The following SHROOM3 variants were observed in gnomAD, a reference collection of about 807,000 sequenced individuals.
SHROOM3 encodes the protein protein Shroom3.
In SHROOM3, 47 loss-of-function variants were observed where a neutral mutation model predicts 138.6. The ratio of observed to expected loss-of-function variants is 0.34; its 90% CI spans 0.27 to 0.43. SHROOM3 has a LOEUF of 0.43. SHROOM3 is among the 20% of genes least tolerant of loss of function. SHROOM3 has a pLI of 1.00. For synonymous variants in SHROOM3, 1,062 were observed against 1,063.3 expected, an observed-to-expected ratio of 1.00 and a Z score of 0.02; for missense variants, 2,491 against 2,596.5, an observed-to-expected ratio of 0.96 and a Z score of 0.88.
intron 1 of SHROOM3, among the ~76,000 whole-genome samples, chr4:76,491,288 G>A (rs1396480613): frequency 6.6e-6 from 1 of 152,170 alleles, no homozygotes. Context: ...ATAGAAATGG[G>A]GAAATAGGAG....
chr4:76,611,272 T>C (rs1279412440), intron 2 of SHROOM3, among the ~76,000 whole-genome samples: 1 of 151,036 alleles, frequency 6.6e-6, no homozygotes, highest in Non-Finnish European at 1.5e-5. Flanking sequence ...CTCTCTCTCT[T>C]AAAGTCTGCG....
chr4:76,770,543 C>T, intron 9 of SHROOM3, 83 bp from the exon 10 acceptor site: 1 of 1,538,308 alleles, frequency 6.5e-7, no homozygotes, highest in South Asian at 1.1e-5. Flanking sequence ...TTGAAGATGA[C>T]AGAAGGTGGC....
chr4:76,676,921 C>A (rs770226514), intron 2 of SHROOM3, among the ~76,000 whole-genome samples: 11 of 124,034 alleles, frequency 8.9e-5, no homozygotes, highest in South Asian at 7.4e-4. Flanking sequence ...CCAGCCTGGG[C>A]GACAGAGCGA....
rs188928565 is a variant in SHROOM3 at position 76,525,586 on chromosome 4, C to G, written c.169-30023C>G. 2.0e-5 allele frequency among the ~76,000 whole-genome samples: 3 copies of G among 152,282 alleles called. No homozygotes were observed. In the East Asian group the frequency reaches 5.8e-4, roughly 29 times the overall value. On this transcript the variant is annotated intron_variant, in intron 1 of 10. Transcript: ENST00000296043. Reference sequence around the variant, plus strand: ...TGGCTAGTGATGCTGAACATCATTTCATGCACTTATTTACCATGATGTAAC... The same window carrying G: ...TGGCTAGTGATGCTGAACATCATTTGATGCACTTATTTACCATGATGTAAC...
At chr4:76,487,827 C>A (rs940447631) in intron 1 of SHROOM3, among the ~76,000 whole-genome samples, 1 of 152,202 alleles carries the variant, frequency 6.6e-6, no homozygotes, top group Non-Finnish European at 1.5e-5. Context: ...ATGGAAGCAG[C>A]CAATTTCAGA....
At chr4:76,564,404 C>G (rs1039705737) in intron 2 of SHROOM3, among the ~76,000 whole-genome samples, 3 of 152,190 alleles carry the variant, frequency 2.0e-5, no homozygotes, top group Admixed American at 2.0e-4. Context: ...TGGAAATTTG[C>G]TCAGTATGCT....
intron 1 of SHROOM3, among the ~76,000 whole-genome samples, chr4:76,547,816 G>C (rs1733256699): frequency 6.6e-6 from 1 of 151,936 alleles, no homozygotes; most frequent in Admixed American, 6.6e-5. Context: ...TATAGTCCCA[G>C]CTACTCGAGA....
rs1364479214 is a variant in SHROOM3, at chr4:76,741,210, C to T, written c.3037C>T (p.Pro1013Ser). 1.2e-6 allele frequency: 2 copies of T among 1,607,480 alleles called. No individual in the cohort carries two copies. Among genetic ancestry groups the T allele is most frequent in the African/African-American group, 2.7e-5 (2 of 74,960 alleles). Reference sequence around the variant, plus strand: ...GAGAGGTGCTCGCCGGCGCCTGACTCCCGAGCAGAAGAAGCGCTCCTACTC... The same window carrying T: ...GAGAGGTGCTCGCCGGCGCCTGACTTCCGAGCAGAAGAAGCGCTCCTACTC... The part of the protein sequence containing the change: ...ARRGARRRLT[P>S]EQKKRSYSEP... The change falls in exon 5 of 11, where the codon CCC becomes TCC. Residue 1013 changes from proline to serine, a missense_variant. Around this residue, in one of 4 missense-constraint regions of SHROOM3, gnomAD observed 1,733 missense variants for 1,661.6 expected, o/e 1.04. Transcript: ENST00000296043. This position sits in a 1 kb window ranked among gnomAD's most constrained non-coding sequence, Gnocchi z 6.2.
chr4:76,724,259 T>A (rs2110124976), intron 3 of SHROOM3, among the ~76,000 whole-genome samples: 1 of 152,342 alleles, frequency 6.6e-6, no homozygotes, highest in African/African-American at 2.4e-5. Flanking sequence ...TTAAACCATC[T>A]TCTGACTTAC....
chr4:76,729,507 G>A (rs574261330), intron 3 of SHROOM3, among the ~76,000 whole-genome samples: 1 of 152,182 alleles, frequency 6.6e-6, no homozygotes, highest in Non-Finnish European at 1.5e-5. Context: ...TGAAGTATAT[G>A]TTTGTGTTTT....
In SHROOM3 at chr4:76,756,711, G is replaced by C; in HGVS notation, c.4972G>C (p.Asp1658His). 1 of 1,614,100 alleles carries C rather than the reference G, an allele frequency of 6.2e-7. No individual in the cohort carries two copies. The highest frequency in any genetic ancestry group is 1.1e-5 in the South Asian group (1 of 91,058). The change falls in exon 8 of 11, where the codon GAT (aspartate) becomes CAT (histidine). Residue 1658 changes from aspartate (D) to histidine (H), a missense_variant. Asp to His is a moderately conservative substitution (Grantham distance 81). Around this residue, in one of 4 missense-constraint regions of SHROOM3, gnomAD observed 470 missense variants for 595.0 expected, o/e 0.79. Transcript: ENST00000296043. ...TQGLEKKVSP[D>H]PQKSSEDIRT... Reference sequence around the variant, plus strand: ...GGGTTTAGAAAAGAAAGTCAGTCCTGATCCTCAGAAGAGTTCAGAAGACAT... The same window carrying C: ...GGGTTTAGAAAAGAAAGTCAGTCCTCATCCTCAGAAGAGTTCAGAAGACAT...
intron 2 of SHROOM3, among the ~76,000 whole-genome samples, chr4:76,605,335 G>A (rs552939393): frequency 6.6e-6 from 1 of 152,232 alleles, no homozygotes; most frequent in South Asian, 2.1e-4. Flanking sequence ...AGAGGATTTC[G>A]AGGCACCATT....
intron 9 of SHROOM3, among the ~76,000 whole-genome samples, chr4:76,761,951 C>T (rs991571217): frequency 1.3e-5 from 2 of 152,048 alleles, no homozygotes; most frequent in African/African-American, 2.4e-5. Context: ...TGGAGTTTAC[C>T]GTTTAACTGA....
intron 1 of SHROOM3, among the ~76,000 whole-genome samples, chr4:76,448,582 A>AT (rs1388722712): frequency 6.6e-6 from 1 of 152,190 alleles, no homozygotes; most frequent in African/African-American, 2.4e-5. Context: ...AGCACCTAGA[A>AT]TTTCTTCAGA....
At chr4:76,593,495 A>G (rs1200535230) in intron 2 of SHROOM3, among the ~76,000 whole-genome samples, 2 of 152,220 alleles carry the variant, frequency 1.3e-5, no homozygotes, top group Admixed American at 1.3e-4. Flanking sequence ...TGGCCCTGTT[A>G]TTTATTTAGT....
chr4:76,741,075 C>A lies in SHROOM3; in HGVS notation c.2902C>A (p.Leu968Met). 2 of 1,532,548 alleles carry A rather than the reference C, an allele frequency of 1.3e-6. No homozygotes were observed. Among genetic ancestry groups the A allele is most frequent in the South Asian group, 1.2e-5 (1 of 80,268 alleles). The allele number at this position is 1,532,548 out of a possible 1,614,324, so 94.9% of individuals were successfully genotyped here. A position where few individuals can be genotyped will look rare whatever the true frequency, so the allele number is the denominator to read the frequency against. ...ACGGCCTTCCTCGGCCCACGTGGGG[C>A]TGCGGAGCCCCGAGGCGTCGGCCTC... ...RPRPSSAHVG[L>M]RSPEASASAS... Residue 968 changes from leucine to methionine, a missense_variant, in exon 5 of 11, where the codon CTG becomes ATG. Leu to Met is a conservative substitution (Grantham distance 15). This residue lies in a region of SHROOM3 where 1,733 missense variants were observed against 1,661.6 expected (regional missense o/e 1.04). Transcript: ENST00000296043. The surrounding 1 kb of genome is among the most constrained non-coding windows in gnomAD (Gnocchi z 6.2).
chr4:76,773,337 G>A (rs1200608923), intron 10 of SHROOM3, among the ~76,000 whole-genome samples: 2 of 144,676 alleles, frequency 1.4e-5, no homozygotes, highest in African/African-American at 5.2e-5. Context: ...TCACACCACT[G>A]CACTCCAGCC....
intron 3 of SHROOM3, among the ~76,000 whole-genome samples, chr4:76,723,221 G>A (rs1389293616): frequency 2.0e-5 from 3 of 152,040 alleles, no homozygotes; most frequent in Admixed American, 2.0e-4. Context: ...CCCCATTCAT[G>A]TGAGCTTTTT....
intron 2 of SHROOM3, among the ~76,000 whole-genome samples, chr4:76,563,738 A>G (rs1733644365): frequency 1.3e-5 from 2 of 152,182 alleles, no homozygotes; most frequent in African/African-American, 4.8e-5. Context: ...TTTATAGGCA[A>G]TTGCAAAACT....
Sources: allele counts gnomAD v4.1 joint callset (sites outside exome capture counted in the v4.1 genomes callset), GRCh38; gene constraint gnomAD v4.1.1; regional missense constraint gnomAD v4.1.1; non-coding constraint Gnocchi (gnomAD v3.1); transcripts MANE v1.5; gene names NCBI Gene and HGNC (gene_info 2026-07-23, HGNC 2026-07-21).